FHIT: variants seen among roughly 807,000 people sequenced by gnomAD.
FHIT encodes bis(5'-adenosyl)-triphosphatase.
Under a neutral mutation model 17.9 loss-of-function variants are expected in FHIT, and 19 were observed. That is an observed-to-expected ratio of 1.06 (90% CI 0.74 to 1.56). The LOEUF (loss-of-function observed/expected upper bound fraction) is 1.56. Ranked by LOEUF, FHIT falls within the 40% of genes most tolerant of loss-of-function variation. The pLI, the probability that FHIT is intolerant of heterozygous loss-of-function variation, is 0.00. For missense variants in FHIT, 248 were observed against 189.2 expected (o/e 1.31, Z -1.82); for synonymous variants, 81 against 69.7 (o/e 1.16, Z -0.81).
intron 3 of FHIT, among the ~76,000 whole-genome samples, chr3:60,841,447 T>C (rs1233266219): frequency 1.3e-5 from 2 of 152,228 alleles, no homozygotes; most frequent in Non-Finnish European, 2.9e-5. Context: ...TCAATAATGC[T>C]AATGTACCGG....
At chr3:60,667,923 A>G (rs1247500383) in intron 4 of FHIT, among the ~76,000 whole-genome samples, 3 of 151,952 alleles carry the variant, frequency 2.0e-5, no homozygotes, top group African/African-American at 7.2e-5. Context: ...GGGGCAGAAC[A>G]GATTTCCCCA....
intron 4 of FHIT, among the ~76,000 whole-genome samples, chr3:60,612,039 T>C (rs1559580902): frequency 2.6e-5 from 4 of 152,162 alleles, no homozygotes; most frequent in African/African-American, 7.2e-5. Context: ...CTGCTCTACC[T>C]AATGATGCTC....
chr3:60,240,766 T>C lies in FHIT; in HGVS notation c.104-226614A>G, dbSNP rs188708762. ...GACAAAGTCCTCAACAGCTGGCAGA[T>C]AGCAGGAAGTAGAATGCTGATGGCT... On this transcript the variant is annotated intron_variant, in intron 5 of 9. Coordinates refer to ENST00000492590, the MANE Select transcript of FHIT (RefSeq NM_002012.4). Among the ~76,000 whole-genome samples, 15 of 152,238 alleles carry C rather than the reference T, an allele frequency of 9.9e-5. No individual in the cohort carries two copies. The East Asian group carries it at 2.7e-3, about 27-fold the overall frequency.
chr3:60,763,854 C>CT (rs1350850908), intron 4 of FHIT, among the ~76,000 whole-genome samples: 3 of 152,184 alleles, frequency 2.0e-5, no homozygotes, highest in African/African-American at 7.2e-5. Flanking sequence ...GTTAACACTG[C>CT]TTTTTACTTC....
At chr3:59,822,094 C>T (rs1161710333) in intron 8 of FHIT, among the ~76,000 whole-genome samples, 2 of 152,154 alleles carry the variant, frequency 1.3e-5, no homozygotes, top group Non-Finnish European at 2.9e-5. Flanking sequence ...ATAATAGTCC[C>T]CAGTTCCATC....
At chr3:60,203,857 C>T (rs1703032280) in intron 5 of FHIT, among the ~76,000 whole-genome samples, 1 of 152,070 alleles carries the variant, frequency 6.6e-6, no homozygotes, top group African/African-American at 2.4e-5. Context: ...ACAAACTTCG[C>T]ATGTTCTCAC....
chr3:60,980,551 C>A (rs1156608952), intron 3 of FHIT, among the ~76,000 whole-genome samples: 2 of 152,184 alleles, frequency 1.3e-5, no homozygotes, highest in Admixed American at 1.3e-4. Flanking sequence ...CTCCTCTCTG[C>A]CTACTCATAA....
intron 5 of FHIT, among the ~76,000 whole-genome samples, chr3:60,400,777 ATCTC>A (rs1275935090): frequency 3.9e-5 from 6 of 152,162 alleles, no homozygotes; most frequent in East Asian, 1.9e-4. Flanking sequence ...GGAGTACGAA[ATCTC>A]TCTAAGTGAA....
intron 3 of FHIT, among the ~76,000 whole-genome samples, chr3:60,890,195 T>G (rs1270651362): frequency 7.1e-6 from 1 of 140,890 alleles, no homozygotes; most frequent in East Asian, 2.0e-4. Context: ...ACTTTGAAAC[T>G]TTCCAAAAAA....
At chr3:60,653,669 A>C (rs977435068) in intron 4 of FHIT, among the ~76,000 whole-genome samples, 1 of 7,196 alleles carries the variant, frequency 1.4e-4, no homozygotes, top group Non-Finnish European at 3.8e-4. Flanking sequence ...CTGAAAAGTA[A>C]AAAAAAAAAG....
intron 4 of FHIT, among the ~76,000 whole-genome samples, chr3:60,704,132 T>A (rs765158722): frequency 4.6e-5 from 7 of 152,116 alleles, no homozygotes; most frequent in Non-Finnish European, 8.8e-5. Context: ...ATAAAATGAA[T>A]CATCAAGGGA....
intron 3 of FHIT, among the ~76,000 whole-genome samples, chr3:60,844,586 A>G (rs1194705039): frequency 1.3e-5 from 2 of 152,136 alleles, no homozygotes; most frequent in African/African-American, 4.8e-5. Flanking sequence ...TCACTATTAT[A>G]TAAATCAATT....
chr3:60,876,099 T>C (rs1365393949), intron 3 of FHIT, among the ~76,000 whole-genome samples: 1 of 152,104 alleles, frequency 6.6e-6, no homozygotes, highest in Non-Finnish European at 1.5e-5. Flanking sequence ...AACCTCAGGT[T>C]ATCAGGATCC....
At chr3:60,054,197 G>A (rs1284318826) in intron 5 of FHIT, among the ~76,000 whole-genome samples, 3 of 152,070 alleles carry the variant, frequency 2.0e-5, no homozygotes, top group African/African-American at 7.2e-5. Context: ...TTTCTTCAGA[G>A]AACTAAATGA....
chr3:60,905,828 T>C (rs1375380741), intron 3 of FHIT, among the ~76,000 whole-genome samples: 1 of 152,152 alleles, frequency 6.6e-6, no homozygotes, highest in Non-Finnish European at 1.5e-5. Flanking sequence ...AATGAAAATA[T>C]TTTCAAAGAG....
At chr3:61,157,920 G>A (rs1412931020) in intron 2 of FHIT, among the ~76,000 whole-genome samples, 8 of 152,230 alleles carry the variant, frequency 5.3e-5, no homozygotes, top group Admixed American at 1.3e-4. Context: ...TGGGATAAAA[G>A]GGGGCACAAA....
chr3:60,018,758 A>T (rs1700441289), intron 5 of FHIT, among the ~76,000 whole-genome samples: 1 of 152,116 alleles, frequency 6.6e-6, no homozygotes, highest in South Asian at 2.1e-4. Context: ...CGCGCGAATC[A>T]CCTGAGGTCA....
chr3:60,186,374 G>C (rs1051340861), intron 5 of FHIT, among the ~76,000 whole-genome samples: 7 of 152,222 alleles, frequency 4.6e-5, no homozygotes, highest in African/African-American at 1.7e-4. Flanking sequence ...TTGTTGAAAA[G>C]TTATCCTTTC....
chr3:60,508,596 A>G (rs1201892227), intron 5 of FHIT, among the ~76,000 whole-genome samples: 1 of 152,164 alleles, frequency 6.6e-6, no homozygotes, highest in Non-Finnish European at 1.5e-5. Flanking sequence ...AATCTATGTC[A>G]TCTTTTTGGA....
Sources: allele counts gnomAD v4.1 joint callset (sites outside exome capture counted in the v4.1 genomes callset), GRCh38; gene constraint gnomAD v4.1.1; transcripts MANE v1.5; gene names NCBI Gene and HGNC (gene_info 2026-07-23, HGNC 2026-07-21).